SKIC3: variants seen among roughly 807,000 people sequenced by gnomAD.
SKIC3 encodes superkiller complex protein 3.
the SKIC3 span, chr5:95,528,766 T>C: frequency 1.4e-5 from 7 of 505,560 alleles, no homozygotes; most frequent in African/African-American, 3.9e-5. Flanking sequence ...AAACTGACTA[T>C]GTCAATATTC....
the SKIC3 span, among the ~76,000 whole-genome samples, chr5:95,475,159 A>G: frequency 2.0e-5 from 3 of 152,118 alleles, no homozygotes; most frequent in African/African-American, 4.8e-5. Flanking sequence ...CTACATTTGG[A>G]GGTACAGGGA....
chr5:95,540,559 C>T, the SKIC3 span: 1 of 1,153,134 alleles, frequency 8.7e-7, no homozygotes, highest in Non-Finnish European at 1.3e-6. Flanking sequence ...CAAATGAACA[C>T]ATGAAAAGAT....
chr5:95,499,259 G>A, the SKIC3 span, among the ~76,000 whole-genome samples: 1 of 152,158 alleles, frequency 6.6e-6, no homozygotes, highest in Non-Finnish European at 1.5e-5. Flanking sequence ...GAGTTCTCAT[G>A]AATGGTTTAG....
At chr5:95,516,388 A>T in the SKIC3 span, 1 of 1,613,178 alleles carries the variant, frequency 6.2e-7, no homozygotes, top group Non-Finnish European at 8.5e-7. Context: ...AACACTCCCA[A>T]GTTGGTCCAT....
the SKIC3 span, chr5:95,523,361 G>T: frequency 6.3e-7 from 1 of 1,580,962 alleles, no homozygotes; most frequent in South Asian, 1.1e-5. Context: ...TAGATATATT[G>T]AACATTATAA....
chr5:95,485,797 C>A, the SKIC3 span, among the ~76,000 whole-genome samples: 4 of 152,030 alleles, frequency 2.6e-5, no homozygotes, highest in African/African-American at 9.7e-5. Context: ...GGAAAGGAAC[C>A]AAATAGCAAG....
At chr5:95,512,381 A>G in the SKIC3 span, 1 of 1,404,082 alleles carries the variant, frequency 7.1e-7, no homozygotes. Flanking sequence ...CTTAAAGAAT[A>G]CCAATATTTA....
the SKIC3 span, among the ~76,000 whole-genome samples, chr5:95,524,962 C>T: frequency 1.3e-5 from 2 of 152,050 alleles, no homozygotes; most frequent in African/African-American, 2.4e-5. Flanking sequence ...TGGCTCACTG[C>T]AACCTCCACC....
At chr5:95,545,810 T>C in the SKIC3 span, among the ~76,000 whole-genome samples, 1 of 152,144 alleles carries the variant, frequency 6.6e-6, no homozygotes, top group East Asian at 1.9e-4. Flanking sequence ...AAATTCTGTA[T>C]CCTTCTTTTC....
the SKIC3 span, among the ~76,000 whole-genome samples, chr5:95,499,937 T>C: frequency 6.6e-6 from 1 of 152,010 alleles, no homozygotes; most frequent in Non-Finnish European, 1.5e-5. Context: ...ATAAAGAAAA[T>C]CTTAGCTCTC....
chr5:95,475,789 T>C, the SKIC3 span, among the ~76,000 whole-genome samples: 1 of 152,186 alleles, frequency 6.6e-6, no homozygotes, highest in African/African-American at 2.4e-5. Flanking sequence ...ATTAGCAAGA[T>C]AATTTTTGGT....
At chr5:95,483,112 G>A in the SKIC3 span, among the ~76,000 whole-genome samples, 2 of 151,964 alleles carry the variant, frequency 1.3e-5, no homozygotes, top group East Asian at 1.9e-4. Flanking sequence ...CAAGTACTGC[G>A]AGTAAGAAAA....
chr5:95,494,655 A>T, the SKIC3 span: 1 of 1,600,520 alleles, frequency 6.2e-7, no homozygotes, highest in East Asian at 2.2e-5. Flanking sequence ...AAAGAATTGG[A>T]ATTAATGAAA....
At chr5:95,495,007 A>G in the SKIC3 span, 1 of 1,613,830 alleles carries the variant, frequency 6.2e-7, no homozygotes, top group South Asian at 1.1e-5. Context: ...ATTTCCTGCT[A>G]CAACACCTCC....
the SKIC3 span, chr5:95,516,417 A>G: frequency 1.2e-6 from 2 of 1,613,094 alleles, no homozygotes; most frequent in Non-Finnish European, 1.7e-6. Flanking sequence ...ATTCTAAAAA[A>G]CATAACATTT....
the SKIC3 span, chr5:95,516,980 T>C: frequency 6.2e-7 from 1 of 1,613,428 alleles, no homozygotes; most frequent in South Asian, 1.1e-5. Flanking sequence ...TGCTAGATGT[T>C]GTGCTTGGCG....
the SKIC3 span, chr5:95,513,408 T>C: frequency 1.9e-4 from 139 of 723,244 alleles, no homozygotes; most frequent in African/African-American, 2.0e-3. Flanking sequence ...GGTCTTGCTA[T>C]ATTGTCCAGG....
chr5:95,478,245 T>TA, the SKIC3 span: 23 of 1,608,586 alleles, frequency 1.4e-5, no homozygotes, highest in African/African-American at 2.4e-4. Flanking sequence ...CAAAGAAAGA[T>TA]AAAAAAATCA....
the SKIC3 span, chr5:95,464,179 A>C: frequency 6.3e-6 from 1 of 159,100 alleles, no homozygotes; most frequent in Non-Finnish European, 1.4e-5. Flanking sequence ...AATTCATAGC[A>C]AGAATTAAAT....
Sources: allele counts gnomAD v4.1 joint callset (sites outside exome capture counted in the v4.1 genomes callset), GRCh38; gene constraint gnomAD v4.1.1; transcripts MANE v1.5; gene names NCBI Gene and HGNC (gene_info 2026-07-23, HGNC 2026-07-21).